The following TRPM3 variants were observed in gnomAD, a reference collection of about 807,000 sequenced individuals.
TRPM3 encodes long transient receptor potential channel 3.
TRPM3 carries 77 observed loss-of-function variants against 181.2 expected under a neutral mutation model. The observed-to-expected ratio is 0.42, with a 90% CI of 0.35 to 0.51. TRPM3 has a LOEUF of 0.51. Among genes scored for constraint, TRPM3 ranks in the 20% least tolerant of loss-of-function variants. The probability of loss-of-function intolerance (pLI) is 0.01; values close to 1 mark genes in which losing one functional copy is unlikely to be tolerated. For missense variants in TRPM3, 1,759 were observed against 2,196.7 expected, an observed-to-expected ratio of 0.80 and a Z score of 3.98; for synonymous variants, 745 against 796.4, an observed-to-expected ratio of 0.94 and a Z score of 1.09.
chr9:71,308,999 G>T (rs192891711), intron 1 of TRPM3, among the ~76,000 whole-genome samples: 1 of 152,092 alleles, frequency 6.6e-6, no homozygotes, highest in South Asian at 2.1e-4. Context: ...GCCCTTGTCT[G>T]GTCAATATTT....
intron 8 of TRPM3, among the ~76,000 whole-genome samples, chr9:70,689,521 T>TAA (rs11394146): frequency 2.4e-3 from 353 of 147,574 alleles, no homozygotes; most frequent in African/African-American, 7.4e-3. Flanking sequence ...TAAATTACTT[T>TAA]AAAAAAAAAA....
At chr9:71,441,110 A>T (rs1231994467) in intron 1 of TRPM3, among the ~76,000 whole-genome samples, 3 of 152,218 alleles carry the variant, frequency 2.0e-5, no homozygotes, top group African/African-American at 7.2e-5. Flanking sequence ...AAACTAAATT[A>T]AAATTTTTAA....
intron 1 of TRPM3, among the ~76,000 whole-genome samples, chr9:70,878,622 C>T (rs971771936): frequency 2.0e-5 from 3 of 152,042 alleles, no homozygotes; most frequent in Admixed American, 2.0e-4. Flanking sequence ...GCCATAAAAT[C>T]GATTATGCAC....
At chr9:70,559,351 TATC>T (rs1202089920) in intron 22 of TRPM3, among the ~76,000 whole-genome samples, 1 of 152,164 alleles carries the variant, frequency 6.6e-6, no homozygotes, top group Non-Finnish European at 1.5e-5. Flanking sequence ...CCTCAACAAG[TATC>T]ATCATGACCT....
Position 71,165,021 on chromosome 9 carries a change from G to C in TRPM3, c.183+281632C>G, listed in dbSNP as rs372323881. ...GTTTCTTCACATACTAAGTCTGATT[G>C]ATCAAATAATCCTTGTGTCTTATTG... On this transcript the variant is annotated intron_variant, in intron 1 of 24. Coordinates refer to the TRPM3 transcript ENST00000357533. 2.6e-5 allele frequency among the ~76,000 whole-genome samples: 4 copies of C among 152,178 alleles called. No individual in the cohort carries two copies. The East Asian group carries it at 5.8e-4, about 22-fold the overall frequency.
At position 71,429,034 on chromosome 9, in the gene TRPM3, T is replaced by A; in HGVS notation, c.183+17619A>T. On this transcript the variant is annotated intron_variant, in intron 1 of 24. Coordinates refer to the TRPM3 transcript ENST00000357533. ...AGGACCTCATCTTTGCACAATACTG[T>A]ATCTCATTGGTTAATCTCATTTTTG... Among the ~76,000 whole-genome samples the A allele has an allele frequency of 1.3e-5, 2 of 151,914 alleles. 1 individual carries two copies. The highest frequency in any genetic ancestry group is 3.9e-4 in the East Asian group (2 of 5,188).
intron 1 of TRPM3, among the ~76,000 whole-genome samples, chr9:70,957,130 T>A (rs902267994): frequency 2.0e-5 from 3 of 151,826 alleles, no homozygotes; most frequent in Non-Finnish European, 4.4e-5. Flanking sequence ...CTGGCTAATT[T>A]TTTTTGTATT....
At chr9:71,413,383 G>A (rs1035103258) in intron 1 of TRPM3, among the ~76,000 whole-genome samples, 3 of 151,854 alleles carry the variant, frequency 2.0e-5, no homozygotes, top group Non-Finnish European at 4.4e-5. Flanking sequence ...TCTTTTTATA[G>A]GTGAGAAGAA....
At chr9:71,331,696 GA>G (rs2090132481) in intron 1 of TRPM3, among the ~76,000 whole-genome samples, 1 of 133,044 alleles carries the variant, frequency 7.5e-6, no homozygotes, top group Non-Finnish European at 1.6e-5. Flanking sequence ...AGGAGAAGGA[GA>G]AAAAGGAGGA....
At chr9:70,568,734 C>G (rs909915796) in intron 22 of TRPM3, among the ~76,000 whole-genome samples, 1 of 152,212 alleles carries the variant, frequency 6.6e-6, no homozygotes, top group African/African-American at 2.4e-5. Context: ...TAACCACTAC[C>G]TTGTGCTATT....
chr9:70,685,834 C>A (rs890696524), intron 8 of TRPM3, among the ~76,000 whole-genome samples: 2 of 151,742 alleles, frequency 1.3e-5, no homozygotes, highest in Non-Finnish European at 2.9e-5. Context: ...TATTTTTATT[C>A]TTTCTTGTTT....
chr9:71,300,296 GAC>G (rs1041609606), intron 1 of TRPM3, among the ~76,000 whole-genome samples: 25 of 152,116 alleles, frequency 1.6e-4, no homozygotes, highest in African/African-American at 4.8e-4. Flanking sequence ...TGGTTTTAAT[GAC>G]ACTATCATGG....
chr9:71,239,827 T>A (rs569841050), intron 1 of TRPM3, among the ~76,000 whole-genome samples: 75 of 152,170 alleles, frequency 4.9e-4, no homozygotes, highest in Admixed American at 8.5e-4. Context: ...TGTAAGTTAT[T>A]GACTCCAAGT....
At chr9:71,225,251 T>C (rs569257987) in intron 1 of TRPM3, among the ~76,000 whole-genome samples, 25 of 152,038 alleles carry the variant, frequency 1.6e-4, no homozygotes, top group South Asian at 2.1e-4. Flanking sequence ...TAACATACAA[T>C]AGAGCTCCAA....
In TRPM3 at chr9:71,168,428, G is replaced by T. The variant is rs181415487; in HGVS notation, c.183+278225C>A. Among the ~76,000 whole-genome samples the T allele has an allele frequency of 7.2e-3, 1,089 of 151,272 alleles. 20 individuals are homozygous for T. Among genetic ancestry groups the T allele is most frequent in the African/African-American group, 0.025 (1,033 of 41,248 alleles). ...TACTGAACGGAGATTTAGAATTACT[G>T]AGAGTTTAAATCAGAACCTCTGTTC... On this transcript the variant is annotated intron_variant, in intron 1 of 24. Transcript: ENST00000357533.
At chr9:71,282,991 G>T (rs535467828) in intron 1 of TRPM3, among the ~76,000 whole-genome samples, 1 of 152,048 alleles carries the variant, frequency 6.6e-6, no homozygotes, top group Non-Finnish European at 1.5e-5. Flanking sequence ...GTGCCATATC[G>T]TGATCCTTCA....
At chr9:71,049,847 T>C (rs900657470) in intron 1 of TRPM3, among the ~76,000 whole-genome samples, 9 of 152,188 alleles carry the variant, frequency 5.9e-5, no homozygotes, top group African/African-American at 2.2e-4. Context: ...GAAAGTTCCC[T>C]TACTTTCGGA....
At chr9:70,788,009 T>A (rs2084299003) in intron 6 of TRPM3, among the ~76,000 whole-genome samples, 1 of 140,882 alleles carries the variant, frequency 7.1e-6, no homozygotes, top group Admixed American at 6.9e-5. Flanking sequence ...ATCCTGACTT[T>A]TTTTTTTTTT....
chr9:70,629,152 T>G (rs955027283), intron 12 of TRPM3, among the ~76,000 whole-genome samples: 2 of 143,754 alleles, frequency 1.4e-5, no homozygotes, highest in African/African-American at 5.2e-5. Flanking sequence ...AAAGCTTGAT[T>G]CTTTCAGAAT....
Sources: allele counts gnomAD v4.1 joint callset (sites outside exome capture counted in the v4.1 genomes callset), GRCh38; gene constraint gnomAD v4.1.1; transcripts MANE v1.5; gene names NCBI Gene and HGNC (gene_info 2026-07-23, HGNC 2026-07-21).